Variants in EIF5A2 observed in about 807,000 individuals in gnomAD.
The protein encoded by EIF5A2 is eukaryotic translation initiation factor 5A2.
A neutral mutation model predicts 16.4 loss-of-function variants in EIF5A2; 15 were observed. The ratio of observed to expected loss-of-function variants is 0.92; its 90% CI spans 0.61 to 1.41. EIF5A2 has a LOEUF of 1.41. Ranked by LOEUF, EIF5A2 falls within the 40% of genes most tolerant of loss-of-function variation. The pLI is 0.00. For missense variants in EIF5A2, 144 were observed against 189.5 expected, an observed-to-expected ratio of 0.76 and a Z score of 1.41; for synonymous variants, 48 against 61.1, an observed-to-expected ratio of 0.79 and a Z score of 1.00.
intron 3 of EIF5A2, among the ~76,000 whole-genome samples, chr3:170,906,745 C>T (rs541938959): frequency 6.6e-6 from 1 of 152,128 alleles, no homozygotes. Flanking sequence ...CCTGAGAACA[C>T]TAATAAGTAT....
chr3:170,888,926 T>A lies in EIF5A2; in HGVS notation c.*4434A>T, dbSNP rs145925544. The A allele has an allele frequency of 2.0e-5, 3 of 152,332 alleles. No homozygotes were observed. The East Asian group carries it at 5.8e-4, about 29-fold the overall frequency. The allele number at this position is 152,332 out of a possible 1,614,324, so 9.4% of individuals were successfully genotyped here. A position where few individuals can be genotyped will look rare whatever the true frequency, so the allele number is the denominator to read the frequency against. On this transcript the variant is annotated 3_prime_UTR_variant, in exon 5 of 5. Coordinates refer to ENST00000295822, the MANE Select transcript of EIF5A2 (RefSeq NM_020390.6). ...CACAACTATGATGTGTGACAAGCTG[T>A]TCGGTCATTGCTGAAAATAGTCCAG... is the stretch of plus-strand genomic sequence containing the variant.
chr3:170,899,093 G>A (rs1266531686), intron 3 of EIF5A2, among the ~76,000 whole-genome samples: 2 of 152,136 alleles, frequency 1.3e-5, no homozygotes, highest in African/African-American at 2.4e-5. Context: ...AATTGTCCTA[G>A]TATTGTCCTG....
At chr3:170,897,780 C>T (rs1390281877) in intron 3 of EIF5A2, among the ~76,000 whole-genome samples, 1 of 152,212 alleles carries the variant, frequency 6.6e-6, no homozygotes, top group Non-Finnish European at 1.5e-5. Context: ...TGGGACACTG[C>T]CTAGTGGAGC....
chr3:170,899,379 A>G (rs1712752514), intron 3 of EIF5A2, among the ~76,000 whole-genome samples: 1 of 151,980 alleles, frequency 6.6e-6, no homozygotes, highest in Non-Finnish European at 1.5e-5. Flanking sequence ...ATAGGCATAC[A>G]ACCACTATGC....
rs1014023597 is a variant in EIF5A2, at chr3:170,891,801, A to G, written c.*1559T>C. The G allele has an allele frequency of 6.6e-6, 1 of 152,638 alleles. No individual in the cohort carries two copies. The highest frequency in any genetic ancestry group is 2.1e-4 in the South Asian group (1 of 4,832). The allele number at this position is 152,638 out of a possible 1,614,324, so 9.5% of individuals were successfully genotyped here. ...CCTGTAATAATGTCTAAAATTCTGGAAATAATATACATATGACTCAAAAGA... is the reference window on the plus strand; with the variant it reads ...CCTGTAATAATGTCTAAAATTCTGGGAATAATATACATATGACTCAAAAGA... On this transcript the variant is annotated 3_prime_UTR_variant, in exon 5 of 5. Coordinates refer to ENST00000295822, the MANE Select transcript of EIF5A2 (RefSeq NM_020390.6).
In EIF5A2 at chr3:170,889,891, G is replaced by C. The variant is rs1712488063; in HGVS notation, c.*3469C>G. Reference sequence around the variant, plus strand: ...TTCTAAAATGAAAAAAATATGGCAAGATTCCAGTATGGATGCTACTGTTTC... The same window carrying C: ...TTCTAAAATGAAAAAAATATGGCAACATTCCAGTATGGATGCTACTGTTTC... On this transcript the variant is annotated 3_prime_UTR_variant, in exon 5 of 5. Transcript: ENST00000295822. 1 of 152,492 alleles carries C rather than the reference G, an allele frequency of 6.6e-6. No homozygotes were observed. The highest frequency in any genetic ancestry group is 2.1e-4 in the South Asian group (1 of 4,830). 9.4% of individuals were successfully genotyped at this position (152,492 alleles called of 1,614,324 possible). A position where few individuals can be genotyped will look rare whatever the true frequency, so the allele number is the denominator to read the frequency against.
intron 3 of EIF5A2, among the ~76,000 whole-genome samples, chr3:170,900,220 A>T (rs747602655): frequency 2.0e-5 from 3 of 151,858 alleles, no homozygotes; most frequent in Non-Finnish European, 4.4e-5. Flanking sequence ...AAAATACAAA[A>T]ATTAGCCAGA....
chr3:170,904,021 G>T (rs1205109505), intron 3 of EIF5A2, among the ~76,000 whole-genome samples: 1 of 152,190 alleles, frequency 6.6e-6, no homozygotes, highest in Non-Finnish European at 1.5e-5. Flanking sequence ...TATCAACACA[G>T]AACTTTCTAA....
chr3:170,895,295 A>G (rs1712641845), intron 3 of EIF5A2, among the ~76,000 whole-genome samples: 1 of 152,036 alleles, frequency 6.6e-6, no homozygotes. Context: ...GTCAACAACA[A>G]CAACAACAAC....
intron 2 of EIF5A2, among the ~76,000 whole-genome samples, chr3:170,907,359 G>C (rs901032348): frequency 5.9e-5 from 9 of 151,992 alleles, no homozygotes; most frequent in African/African-American, 2.2e-4. Flanking sequence ...AGATTTCTTA[G>C]AATTGCTAGA....
In EIF5A2 at chr3:170,903,124, C is replaced by G. The variant is rs554240619; in HGVS notation, c.270+3865G>C. 3.3e-5 allele frequency among the ~76,000 whole-genome samples: 5 copies of G among 152,322 alleles called. No homozygotes were observed. In the South Asian group the frequency reaches 8.3e-4, roughly 25 times the overall value. The stretch of plus-strand genomic sequence containing the variant: ...TGACTGTACCCCTTCCATCATGAAA[C>G]AGGCAGCAATTTTTTCTTATTGCAA... On this transcript the variant is annotated intron_variant, in intron 3 of 4. Transcript: ENST00000295822.
In EIF5A2 at chr3:170,893,546, A is replaced by T. The variant is rs1380774743; in HGVS notation, c.403-127T>A. 18 of 920,454 alleles carry T rather than the reference A, an allele frequency of 2.0e-5. No homozygotes were observed. The East Asian group carries it at 5.3e-4, about 27-fold the overall frequency. The allele number at this position is 920,454 out of a possible 1,614,324, so 57.0% of individuals were successfully genotyped here. On this transcript the variant is annotated intron_variant, in intron 4 of 4. Coordinates refer to ENST00000295822, the MANE Select transcript of EIF5A2 (RefSeq NM_020390.6). Reference sequence around the variant, plus strand: ...ATGGACTTCTGAAAGGGGTATTCCAAAACAAGCTACTTTCTTTACAGTTTT... The same window carrying T: ...ATGGACTTCTGAAAGGGGTATTCCATAACAAGCTACTTTCTTTACAGTTTT...
intron 3 of EIF5A2, among the ~76,000 whole-genome samples, chr3:170,898,374 C>T (rs1286579506): frequency 3.3e-5 from 5 of 152,178 alleles, no homozygotes; most frequent in Non-Finnish European, 5.9e-5. Flanking sequence ...GAATTATAAT[C>T]CCCACATGTC....
At chr3:170,903,641 A>G (rs1276078175) in intron 3 of EIF5A2, among the ~76,000 whole-genome samples, 2 of 152,202 alleles carry the variant, frequency 1.3e-5, no homozygotes, top group African/African-American at 2.4e-5. Flanking sequence ...ATCTGAGAAC[A>G]CAAGGATTCC....
At chr3:170,904,904 AAAACAG>A (rs1712900019) in intron 3 of EIF5A2, among the ~76,000 whole-genome samples, 1 of 152,224 alleles carries the variant, frequency 6.6e-6, no homozygotes, top group Non-Finnish European at 1.5e-5. Flanking sequence ...AAATGGAAGC[AAAACAG>A]GTTAAGTAAC....
chr3:170,903,071 AAT>A (rs1471977499), intron 3 of EIF5A2, among the ~76,000 whole-genome samples: 2 of 152,154 alleles, frequency 1.3e-5, no homozygotes, highest in Admixed American at 6.5e-5. Context: ...AAGAAGTCTT[AAT>A]ATGTTTCCCA....
At chr3:170,907,912 G>C in intron 1 of EIF5A2, 71 bp from the exon 2 acceptor site, 1 of 1,227,402 alleles carries the variant, frequency 8.1e-7, no homozygotes, top group Admixed American at 2.5e-5. Context: ...TTTCGGACAA[G>C]TTATGTGCCA....
rs940953175 is a variant in EIF5A2, at chr3:170,900,355, C to T, written c.271-5932G>A. 9.9e-5 allele frequency among the ~76,000 whole-genome samples: 13 copies of T among 131,492 alleles called. No individual in the cohort carries two copies. In the East Asian group the frequency reaches 1.9e-3, roughly 20 times the overall value. 86.3% of individuals were successfully genotyped at this position (131,492 alleles called of 152,430 possible). On this transcript the variant is annotated intron_variant, in intron 3 of 4. Coordinates refer to ENST00000295822, the MANE Select transcript of EIF5A2 (RefSeq NM_020390.6). Reference sequence around the variant, plus strand: ...GCACTCCAGCCTGGGTGGCAGAGCACGACTCCATCTCAAAAAAAAAAAAAA... The same window carrying T: ...GCACTCCAGCCTGGGTGGCAGAGCATGACTCCATCTCAAAAAAAAAAAAAA...
chr3:170,889,048 C>CTTGTTTTTT lies in EIF5A2; in HGVS notation c.*4311_*4312insAAAAAACAA, dbSNP rs1183125050. 2 of 96,184 alleles carry CTTGTTTTTT rather than the reference C, an allele frequency of 2.1e-5. No individual in the cohort carries two copies. Among genetic ancestry groups the CTTGTTTTTT allele is most frequent in the Non-Finnish European group, 3.8e-5 (2 of 52,946 alleles). The allele number at this position is 96,184 out of a possible 1,614,324, so 6.0% of individuals were successfully genotyped here. The stretch of plus-strand genomic sequence containing the variant: ...ACTTCATATAAATACAATAACCTGT[C>CTTGTTTTTT]TTTTTTTTTTTTTTTTTTTTTTTGT... On this transcript the variant is annotated 3_prime_UTR_variant, in exon 5 of 5. Transcript: ENST00000295822.
Sources: allele counts gnomAD v4.1 joint callset (sites outside exome capture counted in the v4.1 genomes callset), GRCh38; gene constraint gnomAD v4.1.1; transcripts MANE v1.5; gene names NCBI Gene and HGNC (gene_info 2026-07-23, HGNC 2026-07-21).